RNF38: variants seen among roughly 807,000 people sequenced by gnomAD.
RNF38 encodes ring finger protein 38, also known as E3 ubiquitin-protein ligase RNF38.
A neutral mutation model predicts 67.2 loss-of-function variants in RNF38; 15 were observed. The ratio of observed to expected loss-of-function variants is 0.22; its 90% CI spans 0.15 to 0.34. The LOEUF is 0.34. Ranked by LOEUF, RNF38 falls within the 10% of genes least tolerant of loss-of-function variation. The pLI, the probability that RNF38 is intolerant of heterozygous loss-of-function variation, is 1.00. For synonymous variants in RNF38, 220 were observed against 218.8 expected (o/e 1.01, Z -0.05); for missense variants, 524 against 639.9 (o/e 0.82, Z 1.95).
At chr9:36,353,675 CCT>C (rs1161206064) in intron 6 of RNF38, among the ~76,000 whole-genome samples, 1 of 152,056 alleles carries the variant, frequency 6.6e-6, no homozygotes, top group African/African-American at 2.4e-5. Context: ...GTCATAGCAC[CCT>C]GACCTAAAGG....
chr9:36,458,587 A>G (rs376257155), intron 1 of RNF38, among the ~76,000 whole-genome samples: 283 of 152,106 alleles, frequency 1.9e-3, no homozygotes, highest in Non-Finnish European at 2.8e-3. Context: ...AAGAGCTGTA[A>G]CACTCACTGC....
chr9:36,435,357 G>A (rs1047051341), intron 1 of RNF38, among the ~76,000 whole-genome samples: 22 of 152,180 alleles, frequency 1.4e-4, no homozygotes, highest in African/African-American at 5.1e-4. Context: ...TTGCCAAGTT[G>A]AAATGCAAGG....
chr9:36,365,509 A>C (rs938159014), intron 4 of RNF38, among the ~76,000 whole-genome samples: 6 of 152,208 alleles, frequency 3.9e-5, no homozygotes, highest in African/African-American at 1.4e-4. Context: ...TGGAAGCTGC[A>C]GTGAGCCAAG....
At chr9:36,381,524 G>A (rs1160401114) in intron 2 of RNF38, among the ~76,000 whole-genome samples, 1 of 152,132 alleles carries the variant, frequency 6.6e-6, no homozygotes, top group African/African-American at 2.4e-5. Context: ...AGGACCTAAG[G>A]CCAAGCCAGA....
chr9:36,479,938 A>C (rs998400791), intron 1 of RNF38, among the ~76,000 whole-genome samples: 2 of 152,054 alleles, frequency 1.3e-5, no homozygotes, highest in African/African-American at 4.8e-5. Flanking sequence ...TGTCTCTTTA[A>C]GTATGAGTTC....
chr9:36,388,841 C>G (rs1036978399), intron 2 of RNF38, among the ~76,000 whole-genome samples: 1 of 152,080 alleles, frequency 6.6e-6, no homozygotes, highest in African/African-American at 2.4e-5. Context: ...AATAAGAAAG[C>G]ATAACACATT....
intron 3 of RNF38, among the ~76,000 whole-genome samples, chr9:36,375,301 A>C (rs956559963): frequency 7.2e-5 from 11 of 152,156 alleles, no homozygotes; most frequent in Admixed American, 3.3e-4. Context: ...GGCTCAAGCA[A>C]TCCTCCTGTC....
At position 36,353,186 on chromosome 9, in the gene RNF38, T is replaced by G; in HGVS notation, c.1055A>C (p.Glu352Ala). The stretch of plus-strand genomic sequence containing the variant: ...AAAACTTACTACTCCAAAGGACACC[T>G]CCTGATGCAAAGGATCATGTGTTAA... The part of the protein sequence containing the change: ...QFLTHDPLHQ[E>A]VSFGVPYPPF... The change falls in exon 7 of 12, where the codon GAG (glutamate) becomes GCG (alanine). Residue 352 changes from glutamate to alanine, a missense_variant. Glu to Ala is a moderately radical substitution (Grantham distance 107, BLOSUM62 -1). Coordinates refer to ENST00000259605, the MANE Select transcript of RNF38 (RefSeq NM_022781.5). 6.2e-7 allele frequency: 1 copy of G among 1,613,978 alleles called. No individual in the cohort carries two copies. The highest frequency in any genetic ancestry group is 8.5e-7 in the Non-Finnish European group (1 of 1,179,956).
chr9:36,364,937 C>T (rs1397301263), intron 4 of RNF38, among the ~76,000 whole-genome samples: 1 of 152,036 alleles, frequency 6.6e-6, no homozygotes, highest in Non-Finnish European at 1.5e-5. Context: ...GTCAGTGGGC[C>T]AATTATTTCT....
At chr9:36,350,038 G>A (rs1420514421) in intron 9 of RNF38, among the ~76,000 whole-genome samples, 4 of 151,952 alleles carry the variant, frequency 2.6e-5, no homozygotes, top group Admixed American at 6.6e-5. Context: ...GGCTGGCCTC[G>A]AACTCCTGAC....
chr9:36,385,793 G>A (rs1331278539), intron 2 of RNF38, among the ~76,000 whole-genome samples: 1 of 152,180 alleles, frequency 6.6e-6, no homozygotes, highest in East Asian at 1.9e-4. Context: ...AACAGAAAGG[G>A]CCCAGTTCTT....
intron 2 of RNF38, among the ~76,000 whole-genome samples, chr9:36,411,475 T>C (rs1038039789): frequency 2.6e-5 from 4 of 152,224 alleles, no homozygotes; most frequent in Non-Finnish European, 2.9e-5. Context: ...CCCGTGTTCA[T>C]AGCAACATTA....
At chr9:36,413,127 G>A (rs2134204493) in intron 2 of RNF38, among the ~76,000 whole-genome samples, 2 of 151,910 alleles carry the variant, frequency 1.3e-5, no homozygotes, top group Middle Eastern at 6.8e-3. Flanking sequence ...TACTAGGGAG[G>A]CAGAGGCAGG....
upstream of RNF38, among the ~76,000 whole-genome samples, chr9:36,405,285 A>C (rs1340671399): frequency 1.3e-5 from 2 of 151,988 alleles, no homozygotes; most frequent in African/African-American, 4.8e-5. Context: ...AAAAATTCAT[A>C]AATGGATGTT....
chr9:36,381,941 T>C (rs956359666), intron 2 of RNF38, among the ~76,000 whole-genome samples: 1 of 152,216 alleles, frequency 6.6e-6, no homozygotes, highest in East Asian at 1.9e-4. Context: ...CCTATGCCAG[T>C]AGTTCTCAAA....
rs908699777 is a variant in RNF38, at chr9:36,429,922, C to T, written n.242-5239G>A. ...GATATTTTCCATGCAGTTGGCTAAA[C>T]CCAAGGATGTGGAACCTACAGATAT... On this transcript the variant is annotated intron_variant and non_coding_transcript_variant, in intron 1 of 3. Transcript: ENST00000488058. Among the ~76,000 whole-genome samples, 3 of 152,024 alleles carry T rather than the reference C, an allele frequency of 2.0e-5. No individual in the cohort carries two copies. The South Asian group carries it at 6.2e-4, about 32-fold the overall frequency.
chr9:36,487,292 C>T (rs1374673200), intron 1 of RNF38: 1 of 985,050 alleles, frequency 1.0e-6, no homozygotes, highest in African/African-American at 1.7e-5. Flanking sequence ...GCCTGGCCCG[C>T]TCCGGGACCC....
At chr9:36,372,625 A>G in intron 3 of RNF38, 1 of 671,114 alleles carries the variant, frequency 1.5e-6, no homozygotes, top group Non-Finnish European at 2.8e-6. Flanking sequence ...AACAGAATAC[A>G]GAGTAAGACA....
intron 9 of RNF38, among the ~76,000 whole-genome samples, chr9:36,347,859 G>A (rs1184523378): frequency 6.6e-6 from 1 of 151,592 alleles, no homozygotes. Flanking sequence ...GGTGGATCAT[G>A]AGATCAGGAG....
Sources: allele counts gnomAD v4.1 joint callset (sites outside exome capture counted in the v4.1 genomes callset), GRCh38; gene constraint gnomAD v4.1.1; transcripts MANE v1.5; gene names NCBI Gene and HGNC (gene_info 2026-07-23, HGNC 2026-07-21).